The following RBM39 variants were observed in gnomAD, a reference collection of about 807,000 sequenced individuals.
RBM39 encodes the protein RNA-binding protein 39.
A neutral mutation model predicts 79.6 loss-of-function variants in RBM39; 12 were observed. The ratio of observed to expected loss-of-function variants is 0.15; its 90% CI spans 0.10 to 0.24. The LOEUF is 0.24. RBM39 is among the 10% of genes least tolerant of loss of function. The probability of loss-of-function intolerance (pLI) is 1.00; values close to 1 mark genes in which losing one functional copy is unlikely to be tolerated. For synonymous variants in RBM39, 185 were observed against 208.4 expected, an observed-to-expected ratio of 0.89 and a Z score of 0.97; for missense variants, 243 against 653.4, an observed-to-expected ratio of 0.37 and a Z score of 6.85.
In RBM39 at chr20:35,732,424, C is replaced by T. The variant is rs914617557; in HGVS notation, c.102-289G>A. 5 of 342,484 alleles carry T rather than the reference C, an allele frequency of 1.5e-5. No individual in the cohort carries two copies. In the Admixed American group the frequency reaches 1.7e-4, roughly 12 times the overall value. 21.2% of individuals were successfully genotyped at this position (342,484 alleles called of 1,614,324 possible). On this transcript the variant is annotated intron_variant, in intron 3 of 16. Transcript: ENST00000253363. ...TACAAAAATTAGCCGGGCATAGTAC[C>T]GTGCGCCTGTAGTCCCAGCTACTCG...
rs1356068248 is a variant in RBM39 at position 35,701,463 on chromosome 20, G to C, written c.*3018C>G. The C allele has an allele frequency of 2.0e-5, 3 of 153,330 alleles. No individual in the cohort carries two copies. Among genetic ancestry groups the C allele is most frequent in the Admixed American group, 1.9e-4 (3 of 15,464 alleles). 9.5% of individuals were successfully genotyped at this position (153,330 alleles called of 1,614,324 possible). The stretch of plus-strand genomic sequence containing the variant: ...GTGCCACCATGCCTAGCTAAATTTT[G>C]TATTGTTAGGCTGGGCGCGGTGGCT... On this transcript the variant is annotated 3_prime_UTR_variant, in exon 17 of 17. Transcript: ENST00000253363.
rs1437773715 is a variant in RBM39 at position 35,704,546 on chromosome 20, T to C, written c.1528A>G (p.Thr510Ala). 6.2e-7 allele frequency: 1 copy of C among 1,613,742 alleles called. No individual in the cohort carries two copies. The highest frequency in any genetic ancestry group is 1.7e-5 in the Admixed American group (1 of 60,024). ...MITAAYVPLP[T>A]YHNLFPDSMT... ...GAATCAGGAAACAGGTTGTGGTAAG[T>C]TGGAAGAGGTACATATGCTGCTGTT... Residue 510 changes from threonine to alanine, a missense_variant, in exon 17 of 17, where the codon ACT becomes GCT. Thr to Ala is a moderately conservative substitution (Grantham distance 58, BLOSUM62 0). Around this residue, in one of 4 missense-constraint regions of RBM39, gnomAD observed 48 missense variants for 130.2 expected, o/e 0.37. Coordinates refer to ENST00000253363, the MANE Select transcript of RBM39 (RefSeq NM_184234.3).
In RBM39 at chr20:35,715,414, G is replaced by T. The variant is rs185068233; in HGVS notation, c.892-1025C>A. Reference sequence around the variant, plus strand: ...TGGTCTTGATCTCCTGACCTCAGGTGATCTACCGCTCTCAGCCTCCCAAAG... The same window carrying T: ...TGGTCTTGATCTCCTGACCTCAGGTTATCTACCGCTCTCAGCCTCCCAAAG... On this transcript the variant is annotated intron_variant, in intron 10 of 16. Coordinates refer to ENST00000253363, the MANE Select transcript of RBM39 (RefSeq NM_184234.3). 6.6e-5 allele frequency among the ~76,000 whole-genome samples: 10 copies of T among 152,246 alleles called. No homozygotes were observed. In the South Asian group the frequency reaches 8.3e-4, roughly 13 times the overall value.
At chr20:35,734,287 T>C (rs2039682335) in intron 3 of RBM39, 1 of 1,224,684 alleles carries the variant, frequency 8.2e-7, no homozygotes, top group Non-Finnish European at 1.1e-6. Context: ...CACCTGACTG[T>C]CAGAAATGTA....
chr20:35,716,363 C>T (rs1181554795), intron 10 of RBM39, among the ~76,000 whole-genome samples: 1 of 152,138 alleles, frequency 6.6e-6, no homozygotes, highest in Non-Finnish European at 1.5e-5. Flanking sequence ...CATAAGCCAC[C>T]GCGCCCGGCC....
At chr20:35,719,218 G>A (rs979080215) in intron 9 of RBM39, among the ~76,000 whole-genome samples, 1 of 152,040 alleles carries the variant, frequency 6.6e-6, no homozygotes, top group Non-Finnish European at 1.5e-5. Context: ...TTTTAGTAGA[G>A]AAGAGGTTTC....
chr20:35,703,167 T>C lies in RBM39; in HGVS notation c.*1314A>G, dbSNP rs2035363709. ...GTTGAAGAGAATTGAGTATAAATGG[T>C]GACAGCTTGCTTCCCAACTAGTATG... On this transcript the variant is annotated 3_prime_UTR_variant, in exon 17 of 17. Transcript: ENST00000253363. 1 of 152,122 alleles carries C rather than the reference T, an allele frequency of 6.6e-6. No homozygotes were observed. The highest frequency in any genetic ancestry group is 2.1e-4 in the South Asian group (1 of 4,822). The allele number at this position is 152,122 out of a possible 1,614,324, so 9.4% of individuals were successfully genotyped here.
At chr20:35,713,928 C>A in intron 11 of RBM39, 1 of 349,896 alleles carries the variant, frequency 2.9e-6, no homozygotes, top group South Asian at 5.6e-5. Flanking sequence ...TAAATTTATT[C>A]CTAAGTATGA....
intron 4 of RBM39, among the ~76,000 whole-genome samples, chr20:35,730,805 C>T (rs1412128941): frequency 1.3e-5 from 2 of 152,008 alleles, no homozygotes. Context: ...TAATGTTGTA[C>T]AGCATTCGAA....
chr20:35,713,525 G>A lies in RBM39; in HGVS notation c.1097-429C>T, dbSNP rs940860578. Reference sequence around the variant, plus strand: ...TTTTTAGCAGAGATAGGGTTTCTCCGTGCTGGTCAGGCTGGTCTCGAACTC... The same window carrying A: ...TTTTTAGCAGAGATAGGGTTTCTCCATGCTGGTCAGGCTGGTCTCGAACTC... On this transcript the variant is annotated intron_variant, in intron 11 of 16. Transcript: ENST00000253363. 1.2e-4 allele frequency: 18 copies of A among 155,816 alleles called. No individual in the cohort carries two copies. The East Asian group carries it at 1.3e-3, about 11-fold the overall frequency. The allele number at this position is 155,816 out of a possible 1,614,324, so 9.7% of individuals were successfully genotyped here.
intron 3 of RBM39, among the ~76,000 whole-genome samples, chr20:35,737,130 G>A (rs534726972): frequency 8.6e-5 from 13 of 151,558 alleles, no homozygotes; most frequent in Non-Finnish European, 1.3e-4. Flanking sequence ...GATGGCTCAC[G>A]CCTGTAATCC....
chr20:35,736,177 A>C (rs1006826631), intron 3 of RBM39, among the ~76,000 whole-genome samples: 12 of 152,204 alleles, frequency 7.9e-5, no homozygotes, highest in African/African-American at 2.9e-4. Flanking sequence ...TTTTGATTAG[A>C]GAATTGCAAA....
intron 4 of RBM39, 95 bp downstream of exon 4, chr20:35,731,846 A>C (rs1844485522): frequency 8.6e-7 from 1 of 1,159,794 alleles, no homozygotes; most frequent in African/African-American, 1.6e-5. Context: ...TCATTAAAAA[A>C]ATAAAAATTC....
At position 35,703,214 on chromosome 20, in the gene RBM39, C is replaced by G. The variant is rs747969505; in HGVS notation, c.*1267G>C. The G allele has an allele frequency of 6.6e-5, 10 of 152,048 alleles. No homozygotes were observed. The highest frequency in any genetic ancestry group is 1.3e-4 in the Non-Finnish European group (9 of 68,018). 9.4% of individuals were successfully genotyped at this position (152,048 alleles called of 1,614,324 possible). A position where few individuals can be genotyped will look rare whatever the true frequency, so the allele number is the denominator to read the frequency against. On this transcript the variant is annotated 3_prime_UTR_variant, in exon 17 of 17. Coordinates refer to ENST00000253363, the MANE Select transcript of RBM39 (RefSeq NM_184234.3). ...TATGAAAGCTCAAAACCCCTTAATA[C>G]AGTAATATATGCACCTTATTTAATA...
At position 35,721,917 on chromosome 20, in the gene RBM39, G is replaced by A. The variant is rs763151543; in HGVS notation, c.688-40C>T. The A allele has an allele frequency of 5.6e-6, 9 of 1,594,844 alleles. No homozygotes were observed. In the South Asian group the frequency reaches 6.6e-5, roughly 12 times the overall value. On this transcript the variant is annotated intron_variant, in intron 8 of 16. Coordinates refer to ENST00000253363, the MANE Select transcript of RBM39 (RefSeq NM_184234.3). ...ACACGTCACACAGAGATAACACACA[G>A]CAGTTTAAAGACATACACCTTCCAT...
chr20:35,713,108 T>C lies in RBM39; in HGVS notation c.1097-12A>G, dbSNP rs762771402. The C allele has an allele frequency of 6.8e-6, 11 of 1,610,922 alleles. No homozygotes were observed. In the African/African-American group the frequency reaches 1.3e-4, roughly 20 times the overall value. ...CTGCAAACCTGTACCTGTAAAAGAATAGTCTTAAAGTTCCTACTATGTTGA... is the reference window on the plus strand; with the variant it reads ...CTGCAAACCTGTACCTGTAAAAGAACAGTCTTAAAGTTCCTACTATGTTGA... On this transcript the variant is annotated splice_polypyrimidine_tract_variant and intron_variant, in intron 11 of 16. Coordinates refer to ENST00000253363, the MANE Select transcript of RBM39 (RefSeq NM_184234.3).
chr20:35,712,719 G>A (rs186878216), intron 12 of RBM39, among the ~76,000 whole-genome samples: 53 of 151,564 alleles, frequency 3.5e-4, no homozygotes, highest in South Asian at 1.9e-3. Flanking sequence ...ATATTTTTTC[G>A]ATCAAACAAT....
chr20:35,740,926 C>T (rs2425122), intron 1 of RBM39, 39 bp from the exon 2 acceptor site: 212,945 of 1,459,154 alleles, frequency 0.15, 16,897 homozygotes, highest in African/African-American at 0.31. Flanking sequence ...GTAAACATTT[C>T]TCTTACAATG....
intron 8 of RBM39, among the ~76,000 whole-genome samples, chr20:35,722,422 A>T (rs1312174663): frequency 5.6e-5 from 6 of 107,938 alleles, no homozygotes; most frequent in South Asian, 3.0e-4. Context: ...AAATAAAAAT[A>T]AAAAAAAAAA....
Sources: allele counts gnomAD v4.1 joint callset (sites outside exome capture counted in the v4.1 genomes callset), GRCh38; gene constraint gnomAD v4.1.1; regional missense constraint gnomAD v4.1.1; transcripts MANE v1.5; gene names NCBI Gene and HGNC (gene_info 2026-07-23, HGNC 2026-07-21).